Variants in SLC1A6 observed in about 807,000 individuals in gnomAD.
The protein encoded by SLC1A6 is solute carrier family 1 member 6, also known as excitatory amino acid transporter 4.
In SLC1A6, 15 loss-of-function variants were observed where a neutral mutation model predicts 42.1. The ratio of observed to expected loss-of-function variants is 0.36; its 90% CI spans 0.24 to 0.55. The LOEUF (loss-of-function observed/expected upper bound fraction) is 0.55, where lower values mean the gene tolerates loss of function less well. Ranked by LOEUF, SLC1A6 falls within the 20% of genes least tolerant of loss-of-function variation. The pLI is 0.88. For synonymous variants in SLC1A6, 317 were observed against 319.7 expected (o/e 0.99, Z 0.09); for missense variants, 542 against 772.5 (o/e 0.70, Z 3.54).
chr19:14,966,742 T>C (rs1360699118), intron 4 of SLC1A6, among the ~76,000 whole-genome samples: 5 of 152,062 alleles, frequency 3.3e-5, no homozygotes, highest in African/African-American at 9.7e-5. Flanking sequence ...TGGATGAAGC[T>C]GGAAGCCATC....
Position 14,972,812 on chromosome 19 carries a change from T to C in SLC1A6, c.99A>G (p.Arg33=). The part of the protein sequence containing the change: ...LQRLQESLQQ[R]ALRTRLRLQT... ...GCAGGCGCAGGCGCGTGCGCAGTGC[T>C]CTCTGCTGCAGGCTTTCCTGCAGCC... Residue 33 remains arginine, a synonymous_variant, in exon 2 of 10, where the codon AGA becomes AGG. Coordinates refer to ENST00000594383, the MANE Select transcript of SLC1A6 (RefSeq NM_005071.3). The C allele has an allele frequency of 6.2e-7, 1 of 1,611,684 alleles. No homozygotes were observed. Among genetic ancestry groups the C allele is most frequent in the Non-Finnish European group, 8.5e-7 (1 of 1,179,234 alleles).
At chr19:14,992,118 G>A (rs546208195) in intron 1 of SLC1A6, among the ~76,000 whole-genome samples, 1 of 152,284 alleles carries the variant, frequency 6.6e-6, no homozygotes, top group Admixed American at 6.5e-5. Context: ...GAGCCAACGC[G>A]CCCAGTGCCT....
chr19:14,968,881 C>T (rs2045605406), intron 3 of SLC1A6, among the ~76,000 whole-genome samples: 3 of 151,734 alleles, frequency 2.0e-5, no homozygotes, highest in South Asian at 4.2e-4. Flanking sequence ...TCTCCTTCGC[C>T]CAGACTGGAG....
chr19:14,955,341 A>T (rs535173434), intron 7 of SLC1A6, among the ~76,000 whole-genome samples: 1 of 152,294 alleles, frequency 6.6e-6, no homozygotes, highest in African/African-American at 2.4e-5. Flanking sequence ...GCACTTTGGG[A>T]GAGCGAGACG....
chr19:14,998,844 C>G (rs1353601474), intron 1 of SLC1A6, among the ~76,000 whole-genome samples: 2 of 138,570 alleles, frequency 1.4e-5, no homozygotes, highest in Non-Finnish European at 3.1e-5. Flanking sequence ...CTTTTTAAGT[C>G]TGATAAGAAA....
At chr19:14,995,326 C>CAAAAAAA (rs1173848535) in intron 1 of SLC1A6, among the ~76,000 whole-genome samples, 45 of 52,790 alleles carry the variant, frequency 8.5e-4, no homozygotes, top group Admixed American at 1.7e-3. Context: ...ACTCCATCTC[C>CAAAAAAA]AAAAAAAAAA....
At chr19:14,996,078 A>G (rs2045844653) in intron 1 of SLC1A6, among the ~76,000 whole-genome samples, 1 of 152,250 alleles carries the variant, frequency 6.6e-6, no homozygotes, top group African/African-American at 2.4e-5. Context: ...TTTATAATCA[A>G]CACTAAATTG....
chr19:14,979,935 G>GC (rs1272497735), upstream of SLC1A6: 2 of 152,110 alleles, frequency 1.3e-5, no homozygotes, highest in Non-Finnish European at 2.9e-5. This position sits in a 1 kb window ranked among gnomAD's most constrained non-coding sequence, Gnocchi z 4.2. Context: ...GCGCCTCCGC[G>GC]CCCCCGCCCC....
intron 1 of SLC1A6, among the ~76,000 whole-genome samples, chr19:14,978,663 T>A (rs2045737474): frequency 6.7e-6 from 1 of 149,234 alleles, no homozygotes; most frequent in South Asian, 2.1e-4. Flanking sequence ...AGTTGTACAA[T>A]TCTGCACACA....
At chr19:14,987,567 T>C (rs2045799186) in intron 1 of SLC1A6, among the ~76,000 whole-genome samples, 1 of 151,942 alleles carries the variant, frequency 6.6e-6, no homozygotes, top group Non-Finnish European at 1.5e-5. Flanking sequence ...AAGCAGTTAG[T>C]GAATGTCCGA....
intron 1 of SLC1A6, among the ~76,000 whole-genome samples, chr19:15,008,122 C>A (rs8182480): frequency 6.6e-6 from 1 of 151,698 alleles, no homozygotes; most frequent in Non-Finnish European, 1.5e-5. Flanking sequence ...GGTGGGAGGA[C>A]TGCTTGAGCC....
At chr19:14,970,426 T>C (rs551451706) in intron 3 of SLC1A6, among the ~76,000 whole-genome samples, 1 of 152,272 alleles carries the variant, frequency 6.6e-6, no homozygotes, top group East Asian at 1.9e-4. Context: ...GAATATAGTA[T>C]AATGGCCGGG....
Position 14,956,831 on chromosome 19 carries a change from G to T in SLC1A6, c.936-122C>A, listed in dbSNP as rs1452678879. On this transcript the variant is annotated intron_variant, in intron 6 of 9. Coordinates refer to ENST00000594383, the MANE Select transcript of SLC1A6 (RefSeq NM_005071.3). ...GGAGCCACACAATACCCATGATACGGCACCCTACTCCATCCCAGTCTTCCC... is the reference window on the plus strand; with the variant it reads ...GGAGCCACACAATACCCATGATACGTCACCCTACTCCATCCCAGTCTTCCC... 6 of 623,076 alleles carry T rather than the reference G, an allele frequency of 9.6e-6. No individual in the cohort carries two copies. In the East Asian group the frequency reaches 1.7e-4, roughly 17 times the overall value. 38.6% of individuals were successfully genotyped at this position (623,076 alleles called of 1,614,324 possible).
Position 14,972,805 on chromosome 19 carries a change from G to A in SLC1A6, c.106C>T (p.Arg36Cys), listed in dbSNP as rs755224556. 6.2e-6 allele frequency: 10 copies of A among 1,612,378 alleles called. No homozygotes were observed. The highest frequency in any genetic ancestry group is 1.1e-5 in the South Asian group (1 of 90,892). Reference sequence around the variant, plus strand: ...ATGGTCTGCAGGCGCAGGCGCGTGCGCAGTGCTCTCTGCTGCAGGCTTTCC... The same window carrying A: ...ATGGTCTGCAGGCGCAGGCGCGTGCACAGTGCTCTCTGCTGCAGGCTTTCC... ...LQESLQQRAL[R>C]TRLRLQTMTL... Residue 36 changes from arginine (R) to cysteine (C), a missense_variant, in exon 2 of 10, where the codon CGC (arginine) becomes TGC (cysteine). Arg to Cys is a radical substitution (Grantham distance 180). Coordinates refer to ENST00000594383, the MANE Select transcript of SLC1A6 (RefSeq NM_005071.3).
intron 1 of SLC1A6, among the ~76,000 whole-genome samples, chr19:14,993,339 G>C: frequency 6.6e-6 from 1 of 152,038 alleles, no homozygotes; most frequent in Non-Finnish European, 1.5e-5. Context: ...TTCTGGGGGG[G>C]TGAAAGCTGT....
chr19:15,010,542 G>T (rs2045921710), exon 1 of SLC1A6: 3 of 638,574 alleles, frequency 4.7e-6, no homozygotes, highest in Non-Finnish European at 8.7e-6. Context: ...TCCTAAAGCT[G>T]GAAGAAGGGC....
Position 14,954,159 on chromosome 19 carries a change from T to A in SLC1A6, c.1340A>T (p.Asn447Ile). The change falls in exon 8 of 10, where the codon AAC (asparagine) becomes ATC (isoleucine). Residue 447 changes from asparagine to isoleucine, a missense_variant. Physicochemically the swap from Asn to Ile is moderately radical, Grantham distance 149. Around this residue, in one of 6 missense-constraint regions of SLC1A6, gnomAD observed 54 missense variants for 125.1 expected, o/e 0.43. Coordinates refer to ENST00000594383, the MANE Select transcript of SLC1A6 (RefSeq NM_005071.3). ...CCTGATGGTTGTGATCTGACCCAGG[T>A]TGAGCTCGTAGTTGTTAACTTGAGC... Reference protein sequence around the residue: ...FIAQVNNYELNLGQITTISIT... With the variant: ...FIAQVNNYELILGQITTISIT... 1 of 1,609,192 alleles carries A rather than the reference T, an allele frequency of 6.2e-7. No individual in the cohort carries two copies. The highest frequency in any genetic ancestry group is 1.7e-5 in the Admixed American group (1 of 59,758).
intron 1 of SLC1A6, among the ~76,000 whole-genome samples, chr19:14,988,106 G>T (rs757033423): frequency 3.3e-5 from 5 of 152,148 alleles, no homozygotes; most frequent in Non-Finnish European, 7.3e-5. Flanking sequence ...CCAGGAGGTG[G>T]AGAGCCTTCT....
chr19:15,005,036 A>G (rs2045889502), intron 1 of SLC1A6, among the ~76,000 whole-genome samples: 1 of 152,150 alleles, frequency 6.6e-6, no homozygotes, highest in Non-Finnish European at 1.5e-5. Context: ...AGGCGGGAGG[A>G]TTGTTTGAGT....
Sources: gnomAD v4.1 joint callset for allele counts (sites outside exome capture counted in the v4.1 genomes callset) on GRCh38, gnomAD v4.1.1 for gene constraint, gnomAD v4.1.1 regional missense constraint, Gnocchi (gnomAD v3.1) non-coding constraint, MANE v1.5 for transcripts, NCBI Gene and HGNC (gene_info 2026-07-23, HGNC 2026-07-21) for gene names.